RYR2: variants seen among roughly 807,000 people sequenced by gnomAD.
The protein encoded by RYR2 is cardiac muscle ryanodine receptor-calcium release channel.
A neutral mutation model predicts 601.1 loss-of-function variants in RYR2; 227 were observed. That is an observed-to-expected ratio of 0.38 (90% confidence interval 0.34 to 0.42). The LOEUF (loss-of-function observed/expected upper bound fraction) is 0.42. Among genes scored for constraint, RYR2 ranks in the 10% least tolerant of loss-of-function variants. The pLI is 1.00. For missense variants in RYR2, 4,646 were observed against 6,156.5 expected, an observed-to-expected ratio of 0.75 and a Z score of 8.21; for synonymous variants, 2,223 against 2,175.1, an observed-to-expected ratio of 1.02 and a Z score of -0.61.
intron 24 of RYR2, among the ~76,000 whole-genome samples, chr1:237,525,550 A>T (rs1667488119): frequency 6.6e-6 from 1 of 151,870 alleles, no homozygotes; most frequent in African/African-American, 2.4e-5. Flanking sequence ...TCCCAGGTTC[A>T]AGCAATTCTC....
rs1664049756 is a variant in RYR2, at chr1:237,833,464, A to G, written c.*817A>G. The stretch of plus-strand genomic sequence containing the variant: ...TATGAAAACAAAAAGACTGCAAAAA[A>G]TACACTTTCAAAAGAAACCATTCAT... On this transcript the variant is annotated 3_prime_UTR_variant, in exon 105 of 105. Transcript: ENST00000366574. The G allele has an allele frequency of 6.6e-6, 1 of 152,446 alleles. No individual in the cohort carries two copies. Among genetic ancestry groups the G allele is most frequent in the Admixed American group, 6.6e-5 (1 of 15,262 alleles). 9.4% of individuals were successfully genotyped at this position (152,446 alleles called of 1,614,324 possible). A position where few individuals can be genotyped will look rare whatever the true frequency, so the allele number is the denominator to read the frequency against.
At position 237,759,641 on chromosome 1, in the gene RYR2, T is replaced by C. The variant is rs1008766753; in HGVS notation, c.11326-135T>C. ...GTGTGTTCCTACTTCATGATAAAGA[T>C]GGCATTAGTCATGTTTGTACGCAGT... On this transcript the variant is annotated intron_variant, in intron 82 of 104. Coordinates refer to ENST00000366574, the MANE Select transcript of RYR2 (RefSeq NM_001035.3). The C allele has an allele frequency of 4.5e-6, 3 of 668,394 alleles. No homozygotes were observed. In the African/African-American group the frequency reaches 5.4e-5, roughly 12 times the overall value. The allele number at this position is 668,394 out of a possible 1,614,324, so 41.4% of individuals were successfully genotyped here.
At chr1:237,064,376 C>T (rs1412087275) in intron 1 of RYR2, among the ~76,000 whole-genome samples, 3 of 151,812 alleles carry the variant, frequency 2.0e-5, no homozygotes, top group Non-Finnish European at 4.4e-5. Flanking sequence ...AACATTCTTC[C>T]TCTTCATCTA....
chr1:237,309,932 G>A (rs985006784), intron 2 of RYR2, among the ~76,000 whole-genome samples: 12 of 152,154 alleles, frequency 7.9e-5, no homozygotes, highest in African/African-American at 9.7e-5. Flanking sequence ...TGCGGGACCC[G>A]CCGAGCCCAC....
At chr1:237,740,605 C>T (rs1691525317) in intron 79 of RYR2, among the ~76,000 whole-genome samples, 1 of 152,060 alleles carries the variant, frequency 6.6e-6, no homozygotes, top group African/African-American at 2.4e-5. Flanking sequence ...TATTCTTTAT[C>T]TCAATCCTTG....
At chr1:237,340,025 G>A (rs1302490915) in intron 3 of RYR2, among the ~76,000 whole-genome samples, 1 of 152,156 alleles carries the variant, frequency 6.6e-6, no homozygotes, top group Non-Finnish European at 1.5e-5. Flanking sequence ...TTGGGAGAAG[G>A]AAGAGAACTG....
chr1:237,788,209 G>A, intron 92 of RYR2, 74 bp downstream of exon 92: 1 of 1,239,252 alleles, frequency 8.1e-7, no homozygotes, highest in Non-Finnish European at 1.1e-6. Flanking sequence ...GTAAATGTTT[G>A]CTGACCTCTC....
intron 34 of RYR2, among the ~76,000 whole-genome samples, chr1:237,600,586 A>G (rs1352043600): frequency 1.3e-5 from 2 of 152,214 alleles, no homozygotes; most frequent in Non-Finnish European, 2.9e-5. Context: ...CAACAAAAGC[A>G]AAAATAGACA....
chr1:237,711,260 CA>C (rs1688814649), intron 70 of RYR2, among the ~76,000 whole-genome samples: 1 of 152,012 alleles, frequency 6.6e-6, no homozygotes. Flanking sequence ...TGTTTTTCCC[CA>C]AATATTTAAA....
At chr1:237,287,292 G>A (rs1691672210) in intron 2 of RYR2, among the ~76,000 whole-genome samples, 1 of 152,196 alleles carries the variant, frequency 6.6e-6, no homozygotes, top group Non-Finnish European at 1.5e-5. Context: ...GTGCTTAGGT[G>A]AAGATCTTTT....
At chr1:237,786,426 C>T (rs114303935) in intron 91 of RYR2, among the ~76,000 whole-genome samples, 4,565 of 152,304 alleles carry the variant, frequency 0.03, 234 homozygotes, top group African/African-American at 0.1. Context: ...ATTCCAAATG[C>T]GCTTTCATAG....
intron 4 of RYR2, among the ~76,000 whole-genome samples, chr1:237,361,524 C>T (rs557702674): frequency 6.6e-6 from 1 of 152,280 alleles, no homozygotes; most frequent in East Asian, 1.9e-4. Context: ...ACTTCTGAGG[C>T]TATTCTGAAA....
At chr1:237,370,434 T>C (rs997680751) in intron 6 of RYR2, among the ~76,000 whole-genome samples, 2 of 151,880 alleles carry the variant, frequency 1.3e-5, no homozygotes, top group Non-Finnish European at 2.9e-5. Flanking sequence ...AAGAAAAAAA[T>C]ATTTTCTACA....
chr1:237,589,146 T>C (rs1477953069), intron 29 of RYR2, among the ~76,000 whole-genome samples: 1 of 152,222 alleles, frequency 6.6e-6, no homozygotes, highest in Non-Finnish European at 1.5e-5. Flanking sequence ...ATGTACCTCA[T>C]TCATGCATAA....
Position 237,298,379 on chromosome 1 carries a change from C to T in RYR2, c.168+27763C>T, listed in dbSNP as rs186543828. 1.2e-3 allele frequency among the ~76,000 whole-genome samples: 190 copies of T among 152,220 alleles called. 1 individual carries two copies. The highest frequency in any genetic ancestry group is 2.3e-3 in the Non-Finnish European group (154 of 68,030). Reference sequence around the variant, plus strand: ...TGTTATATCCAAAATTATTTATCAGCATATAGATTTTTAAAATCAGATTAT... The same window carrying T: ...TGTTATATCCAAAATTATTTATCAGTATATAGATTTTTAAAATCAGATTAT... On this transcript the variant is annotated intron_variant, in intron 2 of 104. Transcript: ENST00000366574.
intron 23 of RYR2, among the ~76,000 whole-genome samples, chr1:237,508,473 C>A (rs199931870): frequency 1.6e-4 from 23 of 140,598 alleles, no homozygotes; most frequent in South Asian, 2.3e-4. Flanking sequence ...AAAAAAAAAA[C>A]AAACAAAATG....
chr1:237,763,220 G>T (rs1430867006), intron 84 of RYR2, among the ~76,000 whole-genome samples: 3 of 152,116 alleles, frequency 2.0e-5, no homozygotes. Context: ...AAACCTTTCT[G>T]GTGGGCCCAG....
At chr1:237,069,953 AT>A (rs1352743975) in intron 1 of RYR2, among the ~76,000 whole-genome samples, 3 of 151,682 alleles carry the variant, frequency 2.0e-5, no homozygotes, top group South Asian at 2.1e-4. Context: ...TAAATTTTTA[AT>A]TGTTTTCCAT....
rs920534127 is a variant in RYR2 at position 237,233,872 on chromosome 1, T to A, written c.49-36625T>A. Reference sequence around the variant, plus strand: ...TGGCTAATTTTTGTATTTTTTTTTTTATAGAGATGGGGTTTTGCCATGTTG... The same window carrying A: ...TGGCTAATTTTTGTATTTTTTTTTTAATAGAGATGGGGTTTTGCCATGTTG... On this transcript the variant is annotated intron_variant, in intron 1 of 104. Transcript: ENST00000366574. Among the ~76,000 whole-genome samples the A allele has an allele frequency of 3.9e-5, 6 of 151,922 alleles. No homozygotes were observed. In the East Asian group the frequency reaches 5.8e-4, roughly 15 times the overall value.
Sources: gnomAD v4.1 joint callset for allele counts (sites outside exome capture counted in the v4.1 genomes callset) on GRCh38, gnomAD v4.1.1 for gene constraint, MANE v1.5 for transcripts, NCBI Gene and HGNC (gene_info 2026-07-23, HGNC 2026-07-21) for gene names.